BLTP2: variants seen among roughly 807,000 people sequenced by gnomAD.
BLTP2 encodes U937-associated antigen.
chr17:28,618,853 T>C, the BLTP2 span: 2 of 1,613,924 alleles, frequency 1.2e-6, no homozygotes, highest in Non-Finnish European at 1.7e-6. Flanking sequence ...TCTTCCTCTG[T>C]CAGGCGCCAC....
At chr17:28,617,510 A>T in the BLTP2 span, 4 of 508,338 alleles carry the variant, frequency 7.9e-6, no homozygotes, top group Non-Finnish European at 1.4e-5. Context: ...CAGGACACTA[A>T]ATGCTGGTAG....
At chr17:28,639,491 G>A in the BLTP2 span, 7 of 1,613,336 alleles carry the variant, frequency 4.3e-6, 1 homozygote, top group South Asian at 7.7e-5. Flanking sequence ...CTGTGGGTTT[G>A]GGTTTTATTT....
At chr17:28,619,510 A>C in the BLTP2 span, 1 of 984,680 alleles carries the variant, frequency 1.0e-6, no homozygotes, top group Non-Finnish European at 1.5e-6. Context: ...CCATTTTCTT[A>C]TTCAGGAAGA....
the BLTP2 span, chr17:28,640,611 T>C: frequency 1.9e-6 from 3 of 1,614,120 alleles, no homozygotes; most frequent in Non-Finnish European, 2.5e-6. Flanking sequence ...CATCTTAACC[T>C]TGACCTGGTC....
chr17:28,645,083 C>T, the BLTP2 span: 5 of 1,560,532 alleles, frequency 3.2e-6, no homozygotes, highest in Non-Finnish European at 1.7e-6. Context: ...CCCGGCTTGG[C>T]CCCGGCCCCC....
chr17:28,626,157 C>A, the BLTP2 span, among the ~76,000 whole-genome samples: 2 of 152,196 alleles, frequency 1.3e-5, no homozygotes, highest in Admixed American at 1.3e-4. Flanking sequence ...CTACACACTA[C>A]TCCCAGATCT....
At chr17:28,628,488 G>A in the BLTP2 span, 3 of 1,614,176 alleles carry the variant, frequency 1.9e-6, no homozygotes, top group Non-Finnish European at 2.5e-6. Flanking sequence ...TAGTTGTCCA[G>A]GAAATCCGTA....
the BLTP2 span, among the ~76,000 whole-genome samples, chr17:28,629,128 T>G: frequency 1.3e-5 from 2 of 152,078 alleles, no homozygotes; most frequent in African/African-American, 4.8e-5. Context: ...AGACTGGTCT[T>G]GAACTCCTGG....
chr17:28,636,510 T>A, the BLTP2 span, among the ~76,000 whole-genome samples: 1 of 152,216 alleles, frequency 6.6e-6, no homozygotes, highest in Non-Finnish European at 1.5e-5. Flanking sequence ...GTCTGATACG[T>A]ACTTACCTAC....
At chr17:28,638,103 G>A in the BLTP2 span, 1 of 1,612,816 alleles carries the variant, frequency 6.2e-7, no homozygotes, top group Non-Finnish European at 8.5e-7. Flanking sequence ...CCCTAGAGAA[G>A]AAGCAGACGG....
chr17:28,629,205 G>C, the BLTP2 span, among the ~76,000 whole-genome samples: 280 of 151,690 alleles, frequency 1.8e-3, 2 homozygotes, highest in African/African-American at 6.4e-3. Flanking sequence ...CACTGTGCTG[G>C]CCCATTTTAT....
At chr17:28,634,578 C>T in the BLTP2 span, 2 of 1,614,172 alleles carry the variant, frequency 1.2e-6, no homozygotes, top group Non-Finnish European at 1.7e-6. Flanking sequence ...GATCTAATCC[C>T]TCAGGGGGAA....
the BLTP2 span, chr17:28,631,995 G>A: frequency 6.2e-7 from 1 of 1,607,896 alleles, no homozygotes; most frequent in Non-Finnish European, 8.5e-7. Flanking sequence ...TGAGAAACAA[G>A]AAAACTAGAA....
chr17:28,643,978 AT>A, the BLTP2 span: 2 of 1,514,114 alleles, frequency 1.3e-6, no homozygotes, highest in Non-Finnish European at 1.8e-6. Context: ...CAGGATTTCT[AT>A]TTTTAAAAAA....
chr17:28,624,265 G>C, the BLTP2 span: 1 of 1,614,134 alleles, frequency 6.2e-7, no homozygotes, highest in East Asian at 2.2e-5. Flanking sequence ...AGGCAGTTTC[G>C]GTTGTATATG....
the BLTP2 span, chr17:28,638,468 G>A: frequency 6.3e-7 from 1 of 1,598,770 alleles, no homozygotes; most frequent in Non-Finnish European, 8.6e-7. Flanking sequence ...GCCATCAATT[G>A]GGCCTAGCTC....
chr17:28,616,799 C>T, the BLTP2 span: 1 of 1,612,876 alleles, frequency 6.2e-7, no homozygotes, highest in East Asian at 2.2e-5. The surrounding 1 kb of genome is among the most constrained non-coding windows in gnomAD (Gnocchi z 4.8). Flanking sequence ...CAGATACCAT[C>T]ATCAGTTTAC....
chr17:28,617,010 G>T, the BLTP2 span: 1 of 1,591,760 alleles, frequency 6.3e-7, no homozygotes, highest in Non-Finnish European at 8.6e-7. Context: ...CTGTAGGATA[G>T]AGAGTAAAGA....
the BLTP2 span, chr17:28,639,415 T>C: frequency 2.5e-6 from 4 of 1,613,848 alleles, no homozygotes; most frequent in Non-Finnish European, 1.7e-6. Flanking sequence ...TAGTGAATGA[T>C]GCAAGTGTTC....
Sources: gnomAD v4.1 joint callset for allele counts (sites outside exome capture counted in the v4.1 genomes callset) on GRCh38, gnomAD v4.1.1 for gene constraint, Gnocchi (gnomAD v3.1) non-coding constraint, MANE v1.5 for transcripts, NCBI Gene and HGNC (gene_info 2026-07-23, HGNC 2026-07-21) for gene names.